Variants in KLHL6 observed in about 807,000 individuals in gnomAD.
KLHL6 encodes kelch-like protein 6.
KLHL6 carries 41 observed loss-of-function variants against 58.6 expected under a neutral mutation model. The observed-to-expected ratio is 0.70, with a 90% CI of 0.55 to 0.91. The LOEUF (loss-of-function observed/expected upper bound fraction) is 0.91, where lower values mean the gene tolerates loss of function less well. KLHL6 is among the 40% of genes least tolerant of loss of function. The pLI is 0.00. For synonymous variants in KLHL6, 338 were observed against 322.7 expected, an observed-to-expected ratio of 1.05 and a Z score of -0.51; for missense variants, 714 against 805.6, an observed-to-expected ratio of 0.89 and a Z score of 1.38.
intron 1 of KLHL6, among the ~76,000 whole-genome samples, chr3:183,550,995 C>T (rs553002546): frequency 6.6e-6 from 1 of 151,852 alleles, no homozygotes; most frequent in East Asian, 1.9e-4. Flanking sequence ...GTGGCGGGCG[C>T]CTGTAGTCCC....
At chr3:183,554,219 C>A (rs774673032) in intron 1 of KLHL6, among the ~76,000 whole-genome samples, 1 of 152,090 alleles carries the variant, frequency 6.6e-6, no homozygotes, top group African/African-American at 2.4e-5. Flanking sequence ...GGGTTCCCAG[C>A]GCTATAAAAT....
intron 1 of KLHL6, among the ~76,000 whole-genome samples, chr3:183,542,008 C>T (rs1221594064): frequency 6.6e-6 from 1 of 152,022 alleles, no homozygotes; most frequent in Non-Finnish European, 1.5e-5. Context: ...TCACTTCCCC[C>T]TACCCTTCCC....
chr3:183,499,856 AG>A lies in KLHL6; in HGVS notation c.910-30del, dbSNP rs3832202. 31,766 of 1,520,934 alleles carry A rather than the reference AG, an allele frequency of 0.021. 2,305 individuals carry two copies. Among genetic ancestry groups the A allele is most frequent in the East Asian group, 0.18 (7,507 of 42,244 alleles). The allele number at this position is 1,520,934 out of a possible 1,614,324, so 94.2% of individuals were successfully genotyped here. On this transcript the variant is annotated intron_variant, in intron 3 of 6. Transcript: ENST00000341319. This position sits in a 1 kb window ranked among gnomAD's most constrained non-coding sequence, Gnocchi z 4.6. ...GAAATCGATGGGGGTACATGAAGGC[AG>A]GGACAACACAAAGTTTCAGAGCTCG...
In KLHL6 at chr3:183,492,473, C is replaced by A; in HGVS notation, c.1564+21G>T. ...TCATCAGGTTCTAAGCCATTCAGAC[C>A]AATAAGAAGCCATTACTCACCAACG... On this transcript the variant is annotated intron_variant, in intron 6 of 6. Transcript: ENST00000341319. This position sits in a 1 kb window ranked among gnomAD's most constrained non-coding sequence, Gnocchi z 5.9. 1 of 1,612,916 alleles carries A rather than the reference C, an allele frequency of 6.2e-7. No homozygotes were observed. Among genetic ancestry groups the A allele is most frequent in the South Asian group, 1.1e-5 (1 of 91,014 alleles).
At position 183,494,014 on chromosome 3, in the gene KLHL6, A is replaced by G. The variant is rs1022567615; in HGVS notation, c.1350+65T>C. On this transcript the variant is annotated intron_variant, in intron 5 of 6. Coordinates refer to ENST00000341319, the MANE Select transcript of KLHL6 (RefSeq NM_130446.4). ...TGACCACCACGGCAGGCACGTTCCA[A>G]AGCTTTTTAAAAAAGCACTGAAGTA... The G allele has an allele frequency of 3.4e-6, 5 of 1,460,478 alleles. No homozygotes were observed. The South Asian group carries it at 3.4e-5, about 10-fold the overall frequency. 90.5% of individuals were successfully genotyped at this position (1,460,478 alleles called of 1,614,324 possible). A position where few individuals can be genotyped will look rare whatever the true frequency, so the allele number is the denominator to read the frequency against.
intron 1 of KLHL6, among the ~76,000 whole-genome samples, chr3:183,539,787 C>A (rs1255609774): frequency 1.3e-5 from 2 of 152,166 alleles, no homozygotes; most frequent in Middle Eastern, 6.8e-3. Flanking sequence ...ACACTGCCCA[C>A]GGCCCCTGTG....
At chr3:183,505,074 A>G (rs1482447530) in intron 3 of KLHL6, among the ~76,000 whole-genome samples, 2 of 152,112 alleles carry the variant, frequency 1.3e-5, no homozygotes, top group Non-Finnish European at 2.9e-5. Context: ...TCCATGGGAG[A>G]CACTGAATAA....
intron 1 of KLHL6, among the ~76,000 whole-genome samples, chr3:183,534,984 G>A (rs777081297): frequency 7.2e-6 from 1 of 139,160 alleles, no homozygotes; most frequent in Admixed American, 7.4e-5. Context: ...TCTCTCTGTT[G>A]CCCAGGCTGG....
chr3:183,536,813 C>A (rs531735085), intron 1 of KLHL6, among the ~76,000 whole-genome samples: 1 of 152,116 alleles, frequency 6.6e-6, no homozygotes, highest in Non-Finnish European at 1.5e-5. Context: ...TGGCCGGGTG[C>A]GTATCAGGTA....
chr3:183,534,870 ATATATATGTATG>A (rs1712305446), intron 1 of KLHL6, among the ~76,000 whole-genome samples: 2 of 151,138 alleles, frequency 1.3e-5, no homozygotes, highest in Non-Finnish European at 2.9e-5. Context: ...AAAGACCATC[ATATATATGTATG>A]TATATATGTA....
chr3:183,528,107 G>A (rs2108685596), intron 1 of KLHL6, 97 bp from the exon 2 acceptor site: 1 of 1,401,250 alleles, frequency 7.1e-7, no homozygotes, highest in East Asian at 2.3e-5. Context: ...CACAGAACAG[G>A]GGGTTTCCCA....
intron 1 of KLHL6, among the ~76,000 whole-genome samples, chr3:183,545,585 T>C (rs1712691691): frequency 6.6e-6 from 1 of 152,196 alleles, no homozygotes; most frequent in South Asian, 2.1e-4. Context: ...AGAGGCCTGT[T>C]TTCAGTTTAG....
chr3:183,493,961 C>T (rs1717641294), intron 5 of KLHL6, 118 bp downstream of exon 5: 2 of 895,750 alleles, frequency 2.2e-6, no homozygotes, highest in East Asian at 4.8e-5. Context: ...CAAAACTGTT[C>T]TCCTTGGAAG....
chr3:183,549,301 C>A (rs1712829862), intron 1 of KLHL6, among the ~76,000 whole-genome samples: 1 of 152,158 alleles, frequency 6.6e-6, no homozygotes, highest in Non-Finnish European at 1.5e-5. Context: ...CTTGAGAACT[C>A]AAGTGAAGCC....
At chr3:183,520,787 A>G (rs901877795) in intron 2 of KLHL6, 1 of 152,268 alleles carries the variant, frequency 6.6e-6, no homozygotes, top group African/African-American at 2.4e-5. Flanking sequence ...CTATCTCAGT[A>G]AATAGAATGT....
Position 183,492,748 on chromosome 3 carries a change from C to T in KLHL6, c.1351-41G>A, listed in dbSNP as rs1264402659. 3 of 1,589,672 alleles carry T rather than the reference C, an allele frequency of 1.9e-6. No homozygotes were observed. The Admixed American group carries it at 5.0e-5, about 27-fold the overall frequency. ...GCACAAGAAGAAGCTGTCAGTCATG[C>T]TGCCCAGATTGCTGCAGTAGCTCCC... On this transcript the variant is annotated intron_variant, in intron 5 of 6. Transcript: ENST00000341319. This position sits in a 1 kb window ranked among gnomAD's most constrained non-coding sequence, Gnocchi z 5.9.
At position 183,494,199 on chromosome 3, in the gene KLHL6, G is replaced by A. The variant is rs532179489; in HGVS notation, c.1230C>T (p.Gly410=). Residue 410 remains glycine, a synonymous_variant, in exon 5 of 7, where the codon GGC becomes GGT. Transcript: ENST00000341319. ...KWIQIEYLNI[G]RWRHKMVVLG... ...ACACCACCATCTTATGCCTCCAGCG[G>A]CCTATGTTTAAATACTCAATCTGAA... The A allele has an allele frequency of 6.2e-7, 1 of 1,613,870 alleles. No homozygotes were observed. The highest frequency in any genetic ancestry group is 1.1e-5 in the South Asian group (1 of 91,080).
Position 183,520,482 on chromosome 3 carries a change from A to G in KLHL6, c.459+7363T>C, listed in dbSNP as rs184449921. 2.0e-5 allele frequency: 3 copies of G among 152,148 alleles called. No homozygotes were observed. In the East Asian group the frequency reaches 5.8e-4, roughly 29 times the overall value. The allele number at this position is 152,148 out of a possible 1,614,324, so 9.4% of individuals were successfully genotyped here. On this transcript the variant is annotated intron_variant, in intron 2 of 6. Transcript: ENST00000341319. ...TGGGCCCAGGGGACCGGCGCTCAGCATACGGAGGACCCACGCCGACACTGG... is the reference window on the plus strand; with the variant it reads ...TGGGCCCAGGGGACCGGCGCTCAGCGTACGGAGGACCCACGCCGACACTGG...
Position 183,508,252 on chromosome 3 carries a change from A to C in KLHL6, c.716T>G (p.Val239Gly), listed in dbSNP as rs943691319. 6.2e-7 allele frequency: 1 copy of C among 1,614,158 alleles called. No homozygotes were observed. The highest frequency in any genetic ancestry group is 8.5e-7 in the Non-Finnish European group (1 of 1,180,032). The change falls in exon 3 of 7, where the codon GTG becomes GGG. Residue 239 changes from valine (V) to glycine (G), a missense_variant. Around this residue, in one of 2 missense-constraint regions of KLHL6, gnomAD observed 510 missense variants for 629.7 expected, o/e 0.81. Coordinates refer to ENST00000341319, the MANE Select transcript of KLHL6 (RefSeq NM_130446.4). ...VTEEAQVFET[V>G]MSWVRHKPSE... ...TGGCTTGTGCCGGACCCAGCTCATC[A>C]CGGTCTCAAACACCTGAGCCTCCTC...
Sources: allele counts gnomAD v4.1 joint callset (sites outside exome capture counted in the v4.1 genomes callset), GRCh38; gene constraint gnomAD v4.1.1; regional missense constraint gnomAD v4.1.1; non-coding constraint Gnocchi (gnomAD v3.1); transcripts MANE v1.5; gene names NCBI Gene and HGNC (gene_info 2026-07-23, HGNC 2026-07-21).